Variants in SNX18 observed in about 807,000 individuals in gnomAD.
The protein encoded by SNX18 is sorting nexin 18.
Under a neutral mutation model 48.7 loss-of-function variants are expected in SNX18, and 35 were observed. The ratio of observed to expected loss-of-function variants is 0.72; its 90% CI spans 0.55 to 0.95. The LOEUF (loss-of-function observed/expected upper bound fraction) is 0.95, where lower values mean the gene tolerates loss of function less well. SNX18 is among the 40% of genes least tolerant of loss of function. The pLI is 0.00. For missense variants in SNX18, 824 were observed against 871.0 expected (o/e 0.95, Z 0.68); for synonymous variants, 492 against 384.7 (o/e 1.28, Z -3.26).
At chr5:54,549,250 G>C (rs998187406), downstream of SNX18, among the ~76,000 whole-genome samples, 2 of 152,174 alleles carry the variant, frequency 1.3e-5, no homozygotes, top group Non-Finnish European at 2.9e-5. Context: ...ATGTGAGAAA[G>C]GAAGAGCTGC....
Position 54,518,283 on chromosome 5 carries a change from C to A in SNX18, c.331C>A (p.Gln111Lys). ...PDAFQALLQP[Q>K]QAPPPSTFQP... ...CGCCTTCCAGGCGCTGCTGCAGCCA[C>A]AGCAGGCGCCGCCTCCGAGCACCTT... is the stretch of plus-strand genomic sequence containing the variant. Residue 111 changes from glutamine (Q) to lysine (K), a missense_variant, in exon 1 of 2, where the codon CAG becomes AAG. Coordinates refer to ENST00000381410, the MANE Select transcript of SNX18 (RefSeq NM_001102575.2). 6.7e-7 allele frequency: 1 copy of A among 1,502,314 alleles called. No individual in the cohort carries two copies. The highest frequency in any genetic ancestry group is 1.3e-5 in the South Asian group (1 of 79,146). The allele number at this position is 1,502,314 out of a possible 1,614,324, so 93.1% of individuals were successfully genotyped here.
chr5:54,642,742 C>CA, the SNX18 span, among the ~76,000 whole-genome samples: 1 of 152,186 alleles, frequency 6.6e-6, no homozygotes, highest in Non-Finnish European at 1.5e-5. Context: ...TTGGTTCTCA[C>CA]ACCAGGGCAG....
chr5:54,599,865 C>G, the SNX18 span, among the ~76,000 whole-genome samples: 2 of 152,082 alleles, frequency 1.3e-5, no homozygotes, highest in Non-Finnish European at 2.9e-5. Context: ...AAATGTCAAA[C>G]GCAAAACTAT....
chr5:54,552,677 A>G, the SNX18 span, among the ~76,000 whole-genome samples: 1 of 152,144 alleles, frequency 6.6e-6, no homozygotes, highest in Admixed American at 6.5e-5. Flanking sequence ...CATTCTGCAG[A>G]TATTTATTGA....
At position 54,543,263 on chromosome 5, in the gene SNX18, G is replaced by T; in HGVS notation, c.1706G>T (p.Arg569Leu). The T allele has an allele frequency of 3.1e-6, 5 of 1,614,136 alleles. No individual in the cohort carries two copies. Among genetic ancestry groups the T allele is most frequent in the Non-Finnish European group, 4.2e-6 (5 of 1,180,024 alleles). The change falls in exon 2 of 2, where the codon CGC (arginine) becomes CTC (leucine). Residue 569 changes from arginine to leucine, a missense_variant. Coordinates refer to ENST00000381410, the MANE Select transcript of SNX18 (RefSeq NM_001102575.2). ...EVQKADGIQD[R>L]CNTISFATLA... ...CAGAAGGCTGACGGCATTCAGGATC[G>T]CTGTAACACTATTTCTTTTGCCACT...
At chr5:54,549,387 C>T (rs1403688093), downstream of SNX18, among the ~76,000 whole-genome samples, 5 of 152,286 alleles carry the variant, frequency 3.3e-5, no homozygotes, top group South Asian at 4.1e-4. Flanking sequence ...CCACTTTGCC[C>T]ACCTGGGTCA....
At chr5:54,608,380 T>C in the SNX18 span, among the ~76,000 whole-genome samples, 1 of 152,200 alleles carries the variant, frequency 6.6e-6, no homozygotes, top group African/African-American at 2.4e-5. Context: ...TTATTTTTTA[T>C]TTTATTGTAT....
chr5:54,607,345 C>T, the SNX18 span, among the ~76,000 whole-genome samples: 24 of 151,896 alleles, frequency 1.6e-4, no homozygotes, highest in African/African-American at 3.2e-4. Flanking sequence ...TGCTCTCTTA[C>T]GCTGTTTTTG....
chr5:54,523,713 GGT>G (rs1762075376), intron 1 of SNX18, among the ~76,000 whole-genome samples: 3 of 152,262 alleles, frequency 2.0e-5, no homozygotes, highest in African/African-American at 7.2e-5. Context: ...CCTCAGGAAT[GGT>G]ATACCAGTAG....
At chr5:54,539,216 T>C (rs1762415101) in intron 1 of SNX18, among the ~76,000 whole-genome samples, 1 of 151,508 alleles carries the variant, frequency 6.6e-6, no homozygotes, top group African/African-American at 2.4e-5. Context: ...ATAGTTGTAG[T>C]GCTTGCTTTG....
At chr5:54,542,892 T>G (rs999723429) in intron 1 of SNX18, among the ~76,000 whole-genome samples, 3 of 152,238 alleles carry the variant, frequency 2.0e-5, no homozygotes, top group Non-Finnish European at 2.9e-5. Flanking sequence ...TTATCAGTTA[T>G]GTATAGCATC....
At chr5:54,529,429 G>A (rs1762211167) in intron 1 of SNX18, among the ~76,000 whole-genome samples, 1 of 152,124 alleles carries the variant, frequency 6.6e-6, no homozygotes, top group African/African-American at 2.4e-5. Context: ...TGTGTTTAAT[G>A]GTTGTATAAG....
the SNX18 span, among the ~76,000 whole-genome samples, chr5:54,608,051 G>T: frequency 6.6e-6 from 1 of 152,182 alleles, no homozygotes; most frequent in African/African-American, 2.4e-5. Context: ...TCAATTGCTA[G>T]GTCATATGGT....
chr5:54,638,816 G>A, the SNX18 span, among the ~76,000 whole-genome samples: 2 of 152,118 alleles, frequency 1.3e-5, no homozygotes, highest in South Asian at 2.1e-4. Flanking sequence ...CAGGAGAAAT[G>A]GTAGAAGCTG....
At chr5:54,554,795 C>T in the SNX18 span, among the ~76,000 whole-genome samples, 19 of 152,298 alleles carry the variant, frequency 1.2e-4, no homozygotes, top group African/African-American at 4.6e-4. Flanking sequence ...GCAAGACTTT[C>T]TGAGGAGCAG....
In SNX18 at chr5:54,543,407, C is replaced by T; in HGVS notation, c.1850C>T (p.Ala617Val). ...AAAGTTACCCAGAAGTTGGAAGAAGCTCTTCACAAATATGATAGTGTTTAA... is the reference window on the plus strand; with the variant it reads ...AAAGTTACCCAGAAGTTGGAAGAAGTTCTTCACAAATATGATAGTGTTTAA... Reference protein sequence around the residue: ...FQKVTQKLEEALHKYDSV With the variant: ...FQKVTQKLEEVLHKYDSV Residue 617 changes from alanine (A) to valine (V), a missense_variant, in exon 2 of 2, where the codon GCT (alanine) becomes GTT (valine). Coordinates refer to ENST00000381410, the MANE Select transcript of SNX18 (RefSeq NM_001102575.2). The T allele has an allele frequency of 1.9e-6, 3 of 1,614,096 alleles. No homozygotes were observed. The highest frequency in any genetic ancestry group is 2.5e-6 in the Non-Finnish European group (3 of 1,179,996).
At chr5:54,538,757 A>G (rs963028056) in intron 1 of SNX18, among the ~76,000 whole-genome samples, 1 of 152,040 alleles carries the variant, frequency 6.6e-6, no homozygotes, top group East Asian at 1.9e-4. Flanking sequence ...ATAATCAGGA[A>G]CTCTCGATTT....
chr5:54,551,467 A>G (rs1346889913), downstream of SNX18, among the ~76,000 whole-genome samples: 1 of 152,132 alleles, frequency 6.6e-6, no homozygotes, highest in Non-Finnish European at 1.5e-5. Flanking sequence ...TTGTGATGGC[A>G]TTTTGCAACT....
the SNX18 span, among the ~76,000 whole-genome samples, chr5:54,632,036 A>G: frequency 6.6e-6 from 1 of 152,210 alleles, no homozygotes; most frequent in Non-Finnish European, 1.5e-5. Flanking sequence ...AGAGATTTCA[A>G]GAAGCCTGGC....
Sources: allele counts gnomAD v4.1 joint callset (sites outside exome capture counted in the v4.1 genomes callset), GRCh38; gene constraint gnomAD v4.1.1; transcripts MANE v1.5; gene names NCBI Gene and HGNC (gene_info 2026-07-23, HGNC 2026-07-21).